The following MYO16 variants were observed in gnomAD, a reference collection of about 807,000 sequenced individuals.
MYO16 encodes unconventional myosin-XVI.
In MYO16, 94 loss-of-function variants were observed where a neutral mutation model predicts 205.3. The observed-to-expected ratio is 0.46, with a 90% CI of 0.39 to 0.54. The LOEUF (loss-of-function observed/expected upper bound fraction) is 0.54, where lower values mean the gene tolerates loss of function less well. Ranked by LOEUF, MYO16 falls within the 20% of genes least tolerant of loss-of-function variation. The probability of loss-of-function intolerance (pLI) is 0.00; values close to 1 mark genes in which losing one functional copy is unlikely to be tolerated. For synonymous variants in MYO16, 988 were observed against 954.0 expected (o/e 1.04, Z -0.66); for missense variants, 2,315 against 2,387.5 (o/e 0.97, Z 0.63).
chr13:109,021,662 C>T (rs1199979786), intron 23 of MYO16, among the ~76,000 whole-genome samples: 1 of 152,126 alleles, frequency 6.6e-6, no homozygotes, highest in Non-Finnish European at 1.5e-5. Context: ...TCCAACACAG[C>T]ACCTACCTAG....
At position 108,617,396 on chromosome 13, in the gene MYO16, T is replaced by C. The variant is rs115202670; in HGVS notation, c.-39+21157T>C. On this transcript the variant is annotated intron_variant, in intron 1 of 24. Coordinates refer to the MYO16 transcript ENST00000251041. ...TCATTCCTTCTATGCATTCTGCAGA[T>C]TTCAGCTATGATAGCTCATTTCAGC... 3.3e-3 allele frequency among the ~76,000 whole-genome samples: 496 copies of C among 152,338 alleles called. 1 individual carries two copies. Among genetic ancestry groups the C allele is most frequent in the African/African-American group, 0.011 (470 of 41,588 alleles).
chr13:109,180,958 A>G (rs916289196), intron 34 of MYO16, among the ~76,000 whole-genome samples: 1 of 152,158 alleles, frequency 6.6e-6, no homozygotes, highest in Non-Finnish European at 1.5e-5. Flanking sequence ...GGGCCATCTG[A>G]CATCCTTTCC....
At chr13:108,707,626 AT>A (rs1235322126) in intron 2 of MYO16, among the ~76,000 whole-genome samples, 3 of 152,202 alleles carry the variant, frequency 2.0e-5, no homozygotes, top group African/African-American at 7.2e-5. Flanking sequence ...CCTGTGGGAC[AT>A]GTGGTACTAG....
At chr13:108,967,474 G>GCTTGTAGA (rs1350980067) in intron 20 of MYO16, among the ~76,000 whole-genome samples, 1 of 152,178 alleles carries the variant, frequency 6.6e-6, no homozygotes, top group Non-Finnish European at 1.5e-5. Context: ...TGCCACGTTT[G>GCTTGTAGA]CTGGATCAGA....
intron 22 of MYO16, among the ~76,000 whole-genome samples, chr13:109,017,415 A>G (rs1388559210): frequency 2.0e-5 from 3 of 151,808 alleles, no homozygotes. Flanking sequence ...CTTCATTTCA[A>G]CCTTGGTGAA....
chr13:108,712,674 G>A lies in MYO16; in HGVS notation c.306G>A (p.Leu102=), dbSNP rs752634963. ...TGTTGTTTTCAGTGCTTCGGCTCCT[G>A]AAGGAGGGGGCAGACCCCCACACCC... is the stretch of plus-strand genomic sequence containing the variant. ...HHNDKEVLRL[L]KEGADPHTLV... is the part of the protein sequence containing the mutation. The change falls in exon 3 of 35, where the codon CTG becomes CTA. Residue 102 remains leucine, a synonymous_variant. Transcript: ENST00000457511. The A allele has an allele frequency of 3.2e-5, 51 of 1,614,026 alleles. No homozygotes were observed. The highest frequency in any genetic ancestry group is 4.2e-5 in the Non-Finnish European group (49 of 1,179,996).
chr13:108,735,854 A>G (rs1314903927), intron 4 of MYO16, among the ~76,000 whole-genome samples: 4 of 151,934 alleles, frequency 2.6e-5, no homozygotes, highest in Non-Finnish European at 4.4e-5. Flanking sequence ...GTGAGATGGT[A>G]TCTCATTGTG....
At chr13:109,091,792 T>TA (rs1164997995) in intron 27 of MYO16, among the ~76,000 whole-genome samples, 17 of 152,224 alleles carry the variant, frequency 1.1e-4, no homozygotes, top group African/African-American at 4.1e-4. Context: ...TTATTGATTA[T>TA]TCAGTCTTTC....
intron 4 of MYO16, among the ~76,000 whole-genome samples, chr13:108,752,094 A>G (rs1885254842): frequency 1.3e-5 from 2 of 152,198 alleles, no homozygotes; most frequent in South Asian, 4.1e-4. Context: ...GGTATGAGGT[A>G]TATAGGAATG....
At chr13:108,652,790 CATTCATCTATGGACATCT>C (rs1257284482) in intron 1 of MYO16, among the ~76,000 whole-genome samples, 1 of 152,146 alleles carries the variant, frequency 6.6e-6, no homozygotes, top group Non-Finnish European at 1.5e-5. Flanking sequence ...TTTGTTTATC[CATTCATCTATGGACATCT>C]GCTTCCACTT....
the MYO16 span, among the ~76,000 whole-genome samples, chr13:108,574,971 G>T: frequency 1.3e-5 from 2 of 152,010 alleles, no homozygotes; most frequent in Non-Finnish European, 2.9e-5. Flanking sequence ...CTAGTATAAG[G>T]TGTACTCACA....
At chr13:108,694,966 G>C (rs1402933219) in intron 2 of MYO16, among the ~76,000 whole-genome samples, 2 of 152,112 alleles carry the variant, frequency 1.3e-5, no homozygotes, top group African/African-American at 2.4e-5. Flanking sequence ...TACAAAATTA[G>C]CCGGGTGTGG....
intron 7 of MYO16, among the ~76,000 whole-genome samples, chr13:108,814,119 C>T (rs146464639): frequency 2.6e-5 from 4 of 152,102 alleles, no homozygotes; most frequent in East Asian, 3.9e-4. Context: ...AAATGCTTTC[C>T]GCAGTTGAAG....
intron 32 of MYO16, among the ~76,000 whole-genome samples, chr13:109,160,055 T>C (rs1430695704): frequency 6.6e-6 from 1 of 152,208 alleles, no homozygotes; most frequent in African/African-American, 2.4e-5. Flanking sequence ...AATTCTAGGT[T>C]GGGGGACCGT....
chr13:108,909,815 C>T (rs982920821), intron 15 of MYO16, among the ~76,000 whole-genome samples, 188 bp from the exon 16 acceptor site: 3 of 152,048 alleles, frequency 2.0e-5, no homozygotes, highest in Non-Finnish European at 2.9e-5. Flanking sequence ...TCCCCTTAAA[C>T]CATGTCTTTT....
At chr13:109,150,489 C>T (rs1196308488) in intron 32 of MYO16, among the ~76,000 whole-genome samples, 1 of 152,074 alleles carries the variant, frequency 6.6e-6, no homozygotes, top group Non-Finnish European at 1.5e-5. Context: ...CAAAAAGGTA[C>T]CCTATGAATT....
chr13:109,173,988 A>T (rs1879050446), intron 33 of MYO16, among the ~76,000 whole-genome samples: 1 of 145,158 alleles, frequency 6.9e-6, no homozygotes, highest in Admixed American at 6.9e-5. Context: ...AGTGTACCTG[A>T]TTGTACTATC....
At chr13:109,205,719 C>T (rs74120510) in intron 34 of MYO16, among the ~76,000 whole-genome samples, 15,251 of 152,146 alleles carry the variant, frequency 0.1, 1,036 homozygotes, top group African/African-American at 0.18. Flanking sequence ...GTCTTGTGCC[C>T]TAGCTGAAGT....
At chr13:108,541,064 C>T in the MYO16 span, among the ~76,000 whole-genome samples, 3 of 152,046 alleles carry the variant, frequency 2.0e-5, no homozygotes, top group African/African-American at 4.8e-5. Context: ...TGAGACTTTC[C>T]TTGCAGGAAG....
Sources: allele counts gnomAD v4.1 joint callset (sites outside exome capture counted in the v4.1 genomes callset), GRCh38; gene constraint gnomAD v4.1.1; transcripts MANE v1.5; gene names NCBI Gene and HGNC (gene_info 2026-07-23, HGNC 2026-07-21).